Variants in SMARCB1 observed in about 807,000 individuals in gnomAD.
The protein encoded by SMARCB1 is SWI/SNF-related matrix-associated actin-dependent regulator of chromatin subfamily B member 1.
In SMARCB1, 5 loss-of-function variants were observed where a neutral mutation model predicts 49.0. The observed-to-expected ratio is 0.10, with a 90% confidence interval of 0.05 to 0.21. SMARCB1 has a LOEUF of 0.21. Ranked by LOEUF, SMARCB1 falls within the 10% of genes least tolerant of loss-of-function variation. The pLI is 1.00. For synonymous variants in SMARCB1, 201 were observed against 200.1 expected, an observed-to-expected ratio of 1.00 and a Z score of -0.04; for missense variants, 226 against 509.2, an observed-to-expected ratio of 0.44 and a Z score of 5.35.
intron 3 of SMARCB1, among the ~76,000 whole-genome samples, chr22:23,795,046 T>C (rs1195477248): frequency 3.3e-5 from 5 of 152,038 alleles, no homozygotes; most frequent in African/African-American, 1.2e-4. Context: ...CCCCAACAAA[T>C]AGGTAAAAGA....
intron 4 of SMARCB1, 176 bp downstream of exon 4, chr22:23,801,257 A>G (rs1165874792): frequency 3.3e-6 from 3 of 914,632 alleles, no homozygotes; most frequent in South Asian, 2.8e-5. Context: ...GACATTGTCC[A>G]TAGCCTCCTT....
chr22:23,816,491 T>C, intron 5 of SMARCB1: 2 of 584,752 alleles, frequency 3.4e-6, no homozygotes, highest in Admixed American at 6.0e-5. Context: ...GATAATCTCA[T>C]GCGCCCACCC....
chr22:23,815,572 T>C (rs1930144794), intron 5 of SMARCB1: 1 of 152,210 alleles, frequency 6.6e-6, no homozygotes, highest in African/African-American at 2.4e-5. Flanking sequence ...CAGTGTACCT[T>C]GAGCATTTAT....
In SMARCB1 at chr22:23,801,893, C is replaced by G. The variant is rs36097385; in HGVS notation, c.500+812C>G. 3.1e-3 allele frequency: 527 copies of G among 168,938 alleles called. 3 individuals are homozygous for G. Among genetic ancestry groups the G allele is most frequent in the South Asian group, 0.018 (129 of 7,282 alleles). 10.5% of individuals were successfully genotyped at this position (168,938 alleles called of 1,614,324 possible). On this transcript the variant is annotated intron_variant, in intron 4 of 8. Coordinates refer to ENST00000644036, the MANE Select transcript of SMARCB1 (RefSeq NM_003073.5). ...CAGACTTCCTCAGCTGCCCTCACCC[C>G]CTCAGCCTCATGCTGCCTGAAGACC...
At chr22:23,801,757 C>T (rs1437469635) in intron 4 of SMARCB1, 1 of 222,030 alleles carries the variant, frequency 4.5e-6, no homozygotes. Flanking sequence ...CAGGATCTTT[C>T]ACTTAATCGT....
intron 1 of SMARCB1, among the ~76,000 whole-genome samples, chr22:23,787,656 C>G (rs960828659): frequency 6.6e-6 from 1 of 152,102 alleles, no homozygotes; most frequent in Non-Finnish European, 1.5e-5. Flanking sequence ...CACCCCTCCC[C>G]GTATTGCTAC....
chr22:23,803,514 G>C, intron 5 of SMARCB1, 92 bp downstream of exon 5: 1 of 1,476,278 alleles, frequency 6.8e-7, no homozygotes, highest in South Asian at 1.2e-5. Context: ...CTGTCAGGCA[G>C]ATTCTGGACC....
chr22:23,827,827 C>CG (rs2030463424), intron 7 of SMARCB1, among the ~76,000 whole-genome samples: 1 of 152,126 alleles, frequency 6.6e-6, no homozygotes, highest in African/African-American at 2.4e-5. Context: ...GACTCCAACT[C>CG]GCGTTCCCCC....
intron 4 of SMARCB1, chr22:23,802,987 A>G (rs1183940359): frequency 2.1e-6 from 1 of 469,428 alleles, no homozygotes; most frequent in Non-Finnish European, 3.9e-6. Flanking sequence ...ATAGCCTTCC[A>G]TGAAAGTCCT....
chr22:23,831,740 T>C (rs2030666666), intron 7 of SMARCB1, among the ~76,000 whole-genome samples: 1 of 152,192 alleles, frequency 6.6e-6, no homozygotes, highest in Admixed American at 6.5e-5. Flanking sequence ...CGTTGTGGGC[T>C]TGGTACCTTT....
At position 23,816,758 on chromosome 22, in the gene SMARCB1, T is replaced by G; in HGVS notation, c.629-12T>G. 1 of 1,612,662 alleles carries G rather than the reference T, an allele frequency of 6.2e-7. No homozygotes were observed. Among genetic ancestry groups the G allele is most frequent in the Non-Finnish European group, 8.5e-7 (1 of 1,179,352 alleles). On this transcript the variant is annotated splice_polypyrimidine_tract_variant and intron_variant, in intron 5 of 8. Coordinates refer to ENST00000644036, the MANE Select transcript of SMARCB1 (RefSeq NM_003073.5). Reference sequence around the variant, plus strand: ...GCAATCTCTTGGCATCCCTTCCCTCTCCTGATTTCAGAGAAGTTGATGACG... The same window carrying G: ...GCAATCTCTTGGCATCCCTTCCCTCGCCTGATTTCAGAGAAGTTGATGACG...
At chr22:23,789,472 G>A (rs913359165) in intron 1 of SMARCB1, among the ~76,000 whole-genome samples, 7 of 152,202 alleles carry the variant, frequency 4.6e-5, no homozygotes, top group Non-Finnish European at 1.0e-4. Context: ...AGCTGTGCGT[G>A]GCCAAGTGGG....
intron 2 of SMARCB1, 28 bp from the exon 3 acceptor site, chr22:23,793,531 G>A: frequency 1.2e-6 from 2 of 1,613,828 alleles, no homozygotes; most frequent in Admixed American, 1.7e-5. Flanking sequence ...CACCAGCAGA[G>A]TGACCCAGTG....
Position 23,834,793 on chromosome 22 carries a change from G to C in SMARCB1, c.*613G>C, listed in dbSNP as rs1472190380. ...AGGGCAAGAGGCTCTCTGCCTTTCA[G>C]GAACAGCCCTAACCCTGCTCCCCTT... On this transcript the variant is annotated 3_prime_UTR_variant, in exon 9 of 9. Coordinates refer to ENST00000644036, the MANE Select transcript of SMARCB1 (RefSeq NM_003073.5). 1 of 1,587,768 alleles carries C rather than the reference G, an allele frequency of 6.3e-7. No individual in the cohort carries two copies. The highest frequency in any genetic ancestry group is 2.2e-5 in the East Asian group (1 of 44,714).
chr22:23,834,285 C>G lies in SMARCB1; in HGVS notation c.*105C>G. On this transcript the variant is annotated 3_prime_UTR_variant, in exon 9 of 9. Coordinates refer to ENST00000644036, the MANE Select transcript of SMARCB1 (RefSeq NM_003073.5). ...GGCGAGGGGACAGCCCAGCGCCATC[C>G]TGAGGATCGGGTGGGGGTGGAGTGG... The G allele has an allele frequency of 1.5e-6, 2 of 1,299,572 alleles. No homozygotes were observed. The highest frequency in any genetic ancestry group is 2.2e-6 in the Non-Finnish European group (2 of 927,068). 80.5% of individuals were successfully genotyped at this position (1,299,572 alleles called of 1,614,324 possible). A position where few individuals can be genotyped will look rare whatever the true frequency, so the allele number is the denominator to read the frequency against.
chr22:23,829,142 C>T (rs1202958343), intron 7 of SMARCB1, among the ~76,000 whole-genome samples: 1 of 152,204 alleles, frequency 6.6e-6, no homozygotes, highest in Non-Finnish European at 1.5e-5. Flanking sequence ...CTCCCCTGGG[C>T]CAGCCCTGTG....
chr22:23,797,609 C>CTTTTTTTTTT lies in SMARCB1; in HGVS notation c.363-3318_363-3309dup, dbSNP rs71184910. On this transcript the variant is annotated intron_variant, in intron 3 of 8. Coordinates refer to ENST00000644036, the MANE Select transcript of SMARCB1 (RefSeq NM_003073.5). ...ACAGACATGAGCCACTGCGCCTGGC[C>CTTTTTTTTTT]TTTTTTTTTTTTTTTTTTTTTTTTT... is the stretch of plus-strand genomic sequence containing the variant. Among the ~76,000 whole-genome samples the CTTTTTTTTTT allele has an allele frequency of 1.4e-4, 5 of 36,292 alleles. 2 individuals are homozygous for CTTTTTTTTTT. Among genetic ancestry groups the CTTTTTTTTTT allele is most frequent in the African/African-American group, 6.9e-4 (5 of 7,224 alleles). The allele number at this position is 36,292 out of a possible 152,430, so 23.8% of individuals were successfully genotyped here.
intron 3 of SMARCB1, among the ~76,000 whole-genome samples, chr22:23,798,943 G>T (rs908293038): frequency 6.6e-6 from 1 of 151,878 alleles, no homozygotes; most frequent in African/African-American, 2.4e-5. Flanking sequence ...CCAGCTACTC[G>T]GGAGGCTGAG....
At chr22:23,795,377 C>A (rs953133490) in intron 3 of SMARCB1, among the ~76,000 whole-genome samples, 3 of 151,846 alleles carry the variant, frequency 2.0e-5, no homozygotes, top group Non-Finnish European at 4.4e-5. Context: ...AAAAACAGGC[C>A]GGGCACGGTG....
Sources: allele counts gnomAD v4.1 joint callset (sites outside exome capture counted in the v4.1 genomes callset), GRCh38; gene constraint gnomAD v4.1.1; transcripts MANE v1.5; gene names NCBI Gene and HGNC (gene_info 2026-07-23, HGNC 2026-07-21).